Variants in LUZP2 observed in about 807,000 individuals in gnomAD.
LUZP2 encodes the protein leucine zipper protein 2.
In LUZP2, 52 loss-of-function variants were observed where a neutral mutation model predicts 51.6. That is an observed-to-expected ratio of 1.01 (90% confidence interval 0.81 to 1.27). LUZP2 has a LOEUF of 1.27. Among genes scored for constraint, LUZP2 ranks in the 50% most tolerant of loss-of-function variants. The pLI is 0.00. For missense variants in LUZP2, 436 were observed against 395.4 expected, an observed-to-expected ratio of 1.10 and a Z score of -0.87; for synonymous variants, 154 against 137.3, an observed-to-expected ratio of 1.12 and a Z score of -0.85.
At chr11:24,860,890 G>A (rs1362979764) in intron 5 of LUZP2, among the ~76,000 whole-genome samples, 1 of 152,114 alleles carries the variant, frequency 6.6e-6, no homozygotes, top group Non-Finnish European at 1.5e-5. Flanking sequence ...AAAGGCCAGA[G>A]TGCCTTTTCT....
intron 1 of LUZP2, among the ~76,000 whole-genome samples, chr11:24,657,842 A>C (rs1321106546): frequency 6.6e-6 from 1 of 152,188 alleles, no homozygotes; most frequent in African/African-American, 2.4e-5. Context: ...AAAGAGAATA[A>C]AATACCTAGG....
At position 24,875,607 on chromosome 11, in the gene LUZP2, G is replaced by T. The variant is rs983735415; in HGVS notation, c.397-30384G>T. The stretch of plus-strand genomic sequence containing the variant: ...TAGCAGCATGATTTATAGTCCTTTG[G>T]ATATATACCCAGTAATGGGATGGCT... On this transcript the variant is annotated intron_variant, in intron 5 of 11. Coordinates refer to ENST00000336930, the MANE Select transcript of LUZP2 (RefSeq NM_001009909.4). 3.1e-3 allele frequency among the ~76,000 whole-genome samples: 470 copies of T among 150,186 alleles called. 7 individuals are homozygous for T. The highest frequency in any genetic ancestry group is 0.011 in the African/African-American group (450 of 40,834).
intron 7 of LUZP2, among the ~76,000 whole-genome samples, chr11:24,946,226 G>A (rs1037023175): frequency 1.3e-5 from 2 of 151,958 alleles, no homozygotes; most frequent in Non-Finnish European, 2.9e-5. Context: ...ATGGACATTA[G>A]CTTGCCTCTA....
At chr11:24,744,513 G>A (rs1053657783) in intron 4 of LUZP2, among the ~76,000 whole-genome samples, 1 of 152,048 alleles carries the variant, frequency 6.6e-6, no homozygotes, top group Non-Finnish European at 1.5e-5. Context: ...GTTCATAGTA[G>A]CCTTGAGTGA....
chr11:24,952,975 G>T (rs1855118416), intron 7 of LUZP2, among the ~76,000 whole-genome samples: 1 of 151,680 alleles, frequency 6.6e-6, no homozygotes, highest in African/African-American at 2.4e-5. Context: ...AAGCAAATTT[G>T]CCAAATTCTG....
intron 9 of LUZP2, among the ~76,000 whole-genome samples, chr11:25,017,667 A>G (rs1857196822): frequency 2.0e-5 from 3 of 152,158 alleles, no homozygotes; most frequent in East Asian, 1.9e-4. Flanking sequence ...GCCTTATTGC[A>G]TAATTTCAAG....
At chr11:24,862,485 A>C (rs28803828) in intron 5 of LUZP2, among the ~76,000 whole-genome samples, 9,725 of 152,254 alleles carry the variant, frequency 0.064, 453 homozygotes, top group African/African-American at 0.13. Context: ...AAGAAAGTGC[A>C]TCAACTAGTG....
At chr11:24,596,369 T>C (rs1339517051) in intron 1 of LUZP2, among the ~76,000 whole-genome samples, 3 of 152,208 alleles carry the variant, frequency 2.0e-5, no homozygotes, top group Non-Finnish European at 2.9e-5. Flanking sequence ...CTGCTGAAGA[T>C]AGGTAAAATT....
chr11:24,608,092 G>T (rs61566687), intron 1 of LUZP2, among the ~76,000 whole-genome samples: 261 of 152,076 alleles, frequency 1.7e-3, no homozygotes, highest in African/African-American at 5.9e-3. Context: ...CTCATGATCC[G>T]CCCACCTCGG....
chr11:24,680,821 A>G (rs1856708545), intron 1 of LUZP2, among the ~76,000 whole-genome samples: 1 of 152,206 alleles, frequency 6.6e-6, no homozygotes, highest in South Asian at 2.1e-4. Flanking sequence ...AACTTGCTCA[A>G]GGTCAACGGA....
At chr11:24,678,981 C>T (rs1590337506) in intron 1 of LUZP2, among the ~76,000 whole-genome samples, 1 of 152,200 alleles carries the variant, frequency 6.6e-6, no homozygotes, top group Non-Finnish European at 1.5e-5. Context: ...TGTCCTCTAG[C>T]TAGGAAATGA....
chr11:24,809,313 C>G (rs1849949908), intron 5 of LUZP2, among the ~76,000 whole-genome samples: 1 of 152,030 alleles, frequency 6.6e-6, no homozygotes, highest in South Asian at 2.1e-4. Context: ...GAAGGGATAG[C>G]CTGATTTTGC....
intron 1 of LUZP2, among the ~76,000 whole-genome samples, chr11:24,668,467 A>T (rs1462798166): frequency 6.6e-6 from 1 of 152,192 alleles, no homozygotes; most frequent in African/African-American, 2.4e-5. Context: ...AGGTCTAGAA[A>T]CATATATTCA....
intron 1 of LUZP2, among the ~76,000 whole-genome samples, chr11:24,710,999 GA>G (rs149826795): frequency 0.062 from 9,252 of 150,402 alleles, 1,010 homozygotes; most frequent in African/African-American, 0.21. Flanking sequence ...GGGAGGTAGA[GA>G]GGGGGAAAAA....
intron 5 of LUZP2, among the ~76,000 whole-genome samples, chr11:24,787,544 G>A (rs760086500): frequency 9.2e-5 from 14 of 152,050 alleles, no homozygotes; most frequent in African/African-American, 4.8e-5. Flanking sequence ...ACCTAGTAAA[G>A]CAATCAGCAG....
intron 9 of LUZP2, among the ~76,000 whole-genome samples, chr11:24,986,550 T>TGTGTGG (rs1565193604): frequency 6.6e-6 from 1 of 150,956 alleles, no homozygotes; most frequent in Admixed American, 6.6e-5. Context: ...TGTGTGTGTG[T>TGTGTGG]GTGTGTGTGT....
intron 7 of LUZP2, among the ~76,000 whole-genome samples, chr11:24,965,163 A>G: frequency 6.6e-6 from 1 of 151,026 alleles, no homozygotes; most frequent in South Asian, 2.1e-4. Context: ...TTCTAATAAT[A>G]AAGAGTGGAC....
intron 10 of LUZP2, among the ~76,000 whole-genome samples, 173 bp from the exon 11 acceptor site, chr11:25,077,156 C>T (rs1042905842): frequency 6.6e-6 from 1 of 152,162 alleles, no homozygotes; most frequent in East Asian, 1.9e-4. Context: ...TTGCTCTCTC[C>T]TTGAAATCCC....
intron 1 of LUZP2, among the ~76,000 whole-genome samples, chr11:24,605,890 CT>C (rs1195995823): frequency 6.6e-6 from 1 of 151,682 alleles, no homozygotes; most frequent in Non-Finnish European, 1.5e-5. Context: ...TGATAACCAC[CT>C]TTCTATTCTC....
Sources: allele counts gnomAD v4.1 joint callset (sites outside exome capture counted in the v4.1 genomes callset), GRCh38; gene constraint gnomAD v4.1.1; transcripts MANE v1.5; gene names NCBI Gene and HGNC (gene_info 2026-07-23, HGNC 2026-07-21).